ROBO1: variants seen among roughly 807,000 people sequenced by gnomAD.
ROBO1 encodes roundabout homolog 1.
Under a neutral mutation model 195.9 loss-of-function variants are expected in ROBO1, and 149 were observed. That is an observed-to-expected ratio of 0.76 (90% confidence interval 0.67 to 0.87). The LOEUF (loss-of-function observed/expected upper bound fraction) is 0.87. Ranked by LOEUF, ROBO1 falls within the 40% of genes least tolerant of loss-of-function variation. ROBO1 has a pLI of 0.00. For missense variants in ROBO1, 1,933 were observed against 2,068.3 expected (o/e 0.93, Z 1.27); for synonymous variants, 816 against 733.2 (o/e 1.11, Z -1.82).
At chr3:79,759,050 T>A (rs2107511922) in intron 1 of ROBO1, among the ~76,000 whole-genome samples, 1 of 152,262 alleles carries the variant, frequency 6.6e-6, no homozygotes, top group African/African-American at 2.4e-5. Context: ...CCAGGCCATT[T>A]TTTAACACTC....
intron 2 of ROBO1, among the ~76,000 whole-genome samples, chr3:79,573,123 C>A (rs1024532366): frequency 5.3e-5 from 8 of 152,138 alleles, no homozygotes; most frequent in Admixed American, 2.6e-4. Flanking sequence ...GATCATGGCT[C>A]ACTGCAGCCT....
intron 3 of ROBO1, among the ~76,000 whole-genome samples, chr3:78,993,093 T>C (rs1165964616): frequency 6.6e-6 from 1 of 152,186 alleles, no homozygotes; most frequent in Non-Finnish European, 1.5e-5. Context: ...AACTCAATTT[T>C]AAATCATCAA....
intron 3 of ROBO1, among the ~76,000 whole-genome samples, chr3:79,017,659 G>T (rs546332077): frequency 4.5e-4 from 69 of 151,670 alleles, no homozygotes; most frequent in African/African-American, 1.6e-3. Flanking sequence ...TGTCAGAAGG[G>T]CCCCGTTTCA....
intron 2 of ROBO1, among the ~76,000 whole-genome samples, chr3:79,285,510 G>A (rs993448706): frequency 9.2e-5 from 14 of 152,152 alleles, no homozygotes; most frequent in Non-Finnish European, 1.3e-4. Context: ...TAGCCGGCCC[G>A]TCATGGTCAT....
intron 3 of ROBO1, among the ~76,000 whole-genome samples, chr3:78,993,673 G>T (rs1195594662): frequency 6.6e-6 from 1 of 152,082 alleles, no homozygotes; most frequent in African/African-American, 2.4e-5. Flanking sequence ...GGGTGGCTGT[G>T]TTTTTTGAAG....
chr3:79,688,797 T>C (rs1947212816), intron 1 of ROBO1, among the ~76,000 whole-genome samples: 1 of 152,094 alleles, frequency 6.6e-6, no homozygotes, highest in Non-Finnish European at 1.5e-5. Flanking sequence ...TGGTTATTTC[T>C]ATTTACTTCT....
At chr3:78,977,883 T>A (rs1451739623) in intron 3 of ROBO1, among the ~76,000 whole-genome samples, 2 of 152,076 alleles carry the variant, frequency 1.3e-5, no homozygotes, top group African/African-American at 4.8e-5. Context: ...GTTTTTAATA[T>A]CTATATAGTA....
At chr3:78,981,557 A>C (rs1404808996) in intron 3 of ROBO1, among the ~76,000 whole-genome samples, 1 of 152,110 alleles carries the variant, frequency 6.6e-6, no homozygotes, top group Non-Finnish European at 1.5e-5. Flanking sequence ...GATCTCCAAA[A>C]CTTCTCTTAA....
intron 2 of ROBO1, among the ~76,000 whole-genome samples, chr3:79,224,627 G>A (rs781497258): frequency 2.0e-5 from 3 of 152,090 alleles, no homozygotes; most frequent in Admixed American, 6.6e-5. Flanking sequence ...GGAGGGTCCC[G>A]CATTTATTCC....
chr3:79,706,725 T>G (rs1947784596), intron 1 of ROBO1, among the ~76,000 whole-genome samples: 2 of 152,126 alleles, frequency 1.3e-5, no homozygotes, highest in East Asian at 3.9e-4. Flanking sequence ...AAATATGACT[T>G]GCTCCTCCTT....
chr3:79,187,612 CAA>C lies in ROBO1; in HGVS notation c.89-62075_89-62074del, dbSNP rs142729866. The stretch of plus-strand genomic sequence containing the variant: ...ACAGAACTCTTTTGAACGAAAGTTC[CAA>C]AACCGATCCAGAAAACAGATGGCCC... On this transcript the variant is annotated intron_variant, in intron 2 of 30. Transcript: ENST00000464233. Among the ~76,000 whole-genome samples, 467 of 151,954 alleles carry C rather than the reference CAA, an allele frequency of 3.1e-3. 3 individuals carry two copies. Among genetic ancestry groups the C allele is most frequent in the African/African-American group, 0.011 (445 of 41,488 alleles).
chr3:78,660,586 A>G (rs1174718651), intron 16 of ROBO1: 2 of 156,804 alleles, frequency 1.3e-5, no homozygotes, highest in Non-Finnish European at 2.8e-5. Flanking sequence ...TGATTTGTCT[A>G]GAACTGAGGT....
chr3:79,300,852 T>C (rs62259711), intron 2 of ROBO1, among the ~76,000 whole-genome samples: 2 of 152,008 alleles, frequency 1.3e-5, no homozygotes, highest in South Asian at 2.1e-4. Flanking sequence ...AGGTGGGGCC[T>C]TGGAGAACCT....
rs551732988 is a variant in ROBO1, at chr3:78,673,494, T to C, written c.1343-3193A>G. Reference sequence around the variant, plus strand: ...TAAAAATATATATATAATATAAATATATAAAATATATAAAATAATATATAA... The same window carrying C: ...TAAAAATATATATATAATATAAATACATAAAATATATAAAATAATATATAA... On this transcript the variant is annotated intron_variant, in intron 10 of 30. Coordinates refer to ENST00000464233, the MANE Select transcript of ROBO1 (RefSeq NM_002941.4). Among the ~76,000 whole-genome samples the C allele has an allele frequency of 1.5e-3, 216 of 139,874 alleles. 2 individuals carry two copies. Among genetic ancestry groups the C allele is most frequent in the Admixed American group, 0.011 (148 of 13,098 alleles). The allele number at this position is 139,874 out of a possible 152,430, so 91.8% of individuals were successfully genotyped here.
intron 5 of ROBO1, among the ~76,000 whole-genome samples, chr3:78,732,656 T>C (rs950374472): frequency 2.6e-5 from 4 of 152,122 alleles, no homozygotes; most frequent in Non-Finnish European, 5.9e-5. Context: ...AGTGATGTCA[T>C]ATATCGAGGT....
intron 4 of ROBO1, among the ~76,000 whole-genome samples, chr3:78,930,369 AG>A (rs1401484659): frequency 1.3e-5 from 2 of 152,218 alleles, no homozygotes; most frequent in Non-Finnish European, 2.9e-5. Flanking sequence ...ATGTGAGCAC[AG>A]ACTGCAAGAG....
At chr3:79,098,615 T>A (rs1002123926) in intron 3 of ROBO1, among the ~76,000 whole-genome samples, 1 of 151,828 alleles carries the variant, frequency 6.6e-6, no homozygotes, top group African/African-American at 2.4e-5. Flanking sequence ...CTATGTAGCA[T>A]GACTATATAT....
intron 2 of ROBO1, among the ~76,000 whole-genome samples, chr3:79,153,739 T>C (rs2080811916): frequency 6.8e-6 from 1 of 147,944 alleles, no homozygotes; most frequent in African/African-American, 2.5e-5. Context: ...TTAAATAATA[T>C]AGTATTTATA....
At position 79,630,113 on chromosome 3, in the gene ROBO1, G is replaced by A. The variant is rs1945294822; in HGVS notation, c.-50-40152C>T. 2.0e-5 allele frequency among the ~76,000 whole-genome samples: 3 copies of A among 151,868 alleles called. No homozygotes were observed. In the South Asian group the frequency reaches 6.2e-4, roughly 31 times the overall value. On this transcript the variant is annotated intron_variant, in intron 1 of 30. Coordinates refer to ENST00000464233, the MANE Select transcript of ROBO1 (RefSeq NM_002941.4). ...TATTCTAAAAACAAACAAACAAGAA[G>A]GAGGAGAGATTTCTCTGTAATTCAT... is the stretch of plus-strand genomic sequence containing the variant.
Sources: gnomAD v4.1 joint callset for allele counts (sites outside exome capture counted in the v4.1 genomes callset) on GRCh38, gnomAD v4.1.1 for gene constraint, MANE v1.5 for transcripts, NCBI Gene and HGNC (gene_info 2026-07-23, HGNC 2026-07-21) for gene names.